PPFIBP1: variants seen among roughly 807,000 people sequenced by gnomAD.
PPFIBP1 encodes liprin-beta-1.
PPFIBP1 carries 112 observed loss-of-function variants against 137.8 expected under a neutral mutation model. The observed-to-expected ratio is 0.81, with a 90% confidence interval of 0.70 to 0.95. The LOEUF is 0.95. PPFIBP1 is among the 40% of genes least tolerant of loss of function. PPFIBP1 has a pLI of 0.00. For missense variants in PPFIBP1, 1,083 were observed against 1,196.6 expected (o/e 0.91, Z 1.40); for synonymous variants, 378 against 417.3 (o/e 0.91, Z 1.15).
intron 2 of PPFIBP1, among the ~76,000 whole-genome samples, chr12:27,585,756 C>T (rs918020050): frequency 6.9e-4 from 105 of 152,242 alleles, no homozygotes; most frequent in African/African-American, 2.5e-3. Flanking sequence ...TTCAATATAA[C>T]CTGGGTCTTG....
At chr12:27,681,466 T>A in intron 21 of PPFIBP1, 80 bp from the exon 22 acceptor site, 1 of 1,461,894 alleles carries the variant, frequency 6.8e-7, no homozygotes, top group Non-Finnish European at 9.4e-7. Context: ...GTCTATTGAA[T>A]GTATAGTTGT....
chr12:27,539,973 G>A (rs141198034), intron 1 of PPFIBP1, among the ~76,000 whole-genome samples: 24 of 151,686 alleles, frequency 1.6e-4, no homozygotes, highest in Non-Finnish European at 2.9e-4. Context: ...TAAAATGTCT[G>A]TAAATATTTC....
intron 2 of PPFIBP1, among the ~76,000 whole-genome samples, chr12:27,623,991 G>A (rs1241216376): frequency 6.6e-6 from 1 of 152,134 alleles, no homozygotes; most frequent in East Asian, 1.9e-4. Context: ...TGTAAAATCA[G>A]GGCTGTCATG....
intron 2 of PPFIBP1, among the ~76,000 whole-genome samples, chr12:27,629,222 C>T (rs548420042): frequency 2.7e-4 from 41 of 152,264 alleles, no homozygotes; most frequent in Middle Eastern, 3.4e-3. Flanking sequence ...CAACATTTAG[C>T]CAACAATGAG....
chr12:27,592,708 G>A (rs372162870), intron 2 of PPFIBP1: 2 of 1,212,200 alleles, frequency 1.6e-6, no homozygotes. Flanking sequence ...TGAGATCTCT[G>A]GAGCACTTGT....
rs1311747335 is a variant in PPFIBP1, at chr12:27,676,599, G to C, written c.1582G>C (p.Asp528His). 3 of 1,568,284 alleles carry C rather than the reference G, an allele frequency of 1.9e-6. No individual in the cohort carries two copies. The Admixed American group carries it at 5.6e-5, about 29-fold the overall frequency. ...NKRTASAPNL[D>H]RKRSASAPTL... ...GAGAACAGCAAGTGCACCAAACTTA[G>C]GTACGTATGACCAAAATGCCTTTGC... Residue 528 changes from aspartate (D) to histidine (H), a missense_variant and splice_region_variant, in exon 18 of 30, where the codon GAT (aspartate) becomes CAT (histidine). Transcript: ENST00000228425.
chr12:27,593,755 C>T (rs1475608932), intron 2 of PPFIBP1: 12 of 703,748 alleles, frequency 1.7e-5, no homozygotes, highest in African/African-American at 5.4e-5. Context: ...TCAGAGCCAA[C>T]GTCCATGTCC....
intron 1 of PPFIBP1, among the ~76,000 whole-genome samples, chr12:27,527,695 A>G (rs1230325379): frequency 1.3e-5 from 2 of 152,162 alleles, no homozygotes; most frequent in Non-Finnish European, 2.9e-5. Flanking sequence ...AGGCGAAAAC[A>G]TAGGCAAGAA....
chr12:27,633,522 C>A (rs2057407918), intron 3 of PPFIBP1, 62 bp downstream of exon 3: 54 of 1,355,584 alleles, frequency 4.0e-5, no homozygotes, highest in Non-Finnish European at 5.4e-5. Flanking sequence ...GGCTTTTTCA[C>A]TACAACTTTC....
chr12:27,665,780 T>C (rs2059820199), intron 12 of PPFIBP1, among the ~76,000 whole-genome samples: 1 of 152,204 alleles, frequency 6.6e-6, no homozygotes, highest in Non-Finnish European at 1.5e-5. Context: ...AGGAAAATCC[T>C]GCTTTGGATC....
In PPFIBP1 at chr12:27,642,726, G is replaced by A. The variant is rs191693078; in HGVS notation, c.271-3336G>A. Among the ~76,000 whole-genome samples the A allele has an allele frequency of 1.6e-3, 244 of 152,176 alleles. 3 individuals are homozygous for A. The highest frequency in any genetic ancestry group is 5.6e-3 in the African/African-American group (231 of 41,524). ...GAGTGGGAGGTGAGTGGAGTGTTGG[G>A]TACAAAACCTTGGGATAGTTGTTGT... On this transcript the variant is annotated intron_variant, in intron 4 of 29. Coordinates refer to ENST00000228425, the MANE Select transcript of PPFIBP1 (RefSeq NM_003622.4).
At chr12:27,640,126 A>G (rs1230333462) in intron 4 of PPFIBP1, among the ~76,000 whole-genome samples, 1 of 152,242 alleles carries the variant, frequency 6.6e-6, no homozygotes, top group East Asian at 1.9e-4. Context: ...TCCCACAGAA[A>G]GTGTTCACAG....
At chr12:27,536,356 G>C (rs1945002199) in intron 1 of PPFIBP1, among the ~76,000 whole-genome samples, 2 of 152,176 alleles carry the variant, frequency 1.3e-5, no homozygotes, top group Admixed American at 6.5e-5. Context: ...TTTGGCTCAC[G>C]GTTCTGCAGG....
At chr12:27,680,616 A>C (rs1025363775) in intron 21 of PPFIBP1, among the ~76,000 whole-genome samples, 5 of 152,234 alleles carry the variant, frequency 3.3e-5, no homozygotes, top group Non-Finnish European at 1.5e-5. Flanking sequence ...AACAGAATCT[A>C]TGAAAGCACT....
At chr12:27,691,195 C>T (rs1015621774) in intron 27 of PPFIBP1, among the ~76,000 whole-genome samples, 3 of 150,698 alleles carry the variant, frequency 2.0e-5, no homozygotes, top group African/African-American at 7.3e-5. Flanking sequence ...ATAGTGAAGT[C>T]TATTCTATTT....
intron 1 of PPFIBP1, among the ~76,000 whole-genome samples, chr12:27,554,543 G>A (rs759156226): frequency 6.6e-6 from 1 of 152,118 alleles, no homozygotes; most frequent in African/African-American, 2.4e-5. Context: ...TAACAAAGCT[G>A]TATGTCACGC....
chr12:27,574,986 C>T (rs886588437), intron 1 of PPFIBP1, among the ~76,000 whole-genome samples: 1 of 152,108 alleles, frequency 6.6e-6, no homozygotes, highest in African/African-American at 2.4e-5. Context: ...AAAATTAAAG[C>T]AGTTAAAGGT....
intron 25 of PPFIBP1, 188 bp from the exon 26 acceptor site, chr12:27,688,100 ACTTCCTTTCC>A: frequency 1.7e-6 from 1 of 587,686 alleles, no homozygotes; most frequent in East Asian, 3.1e-5. Flanking sequence ...AAAAAAAAAG[ACTTCCTTTCC>A]TAAAGCAATG....
At chr12:27,595,245 C>T (rs192634308) in intron 2 of PPFIBP1, among the ~76,000 whole-genome samples, 33 of 152,328 alleles carry the variant, frequency 2.2e-4, no homozygotes, top group African/African-American at 6.7e-4. Flanking sequence ...CACGCGCGCG[C>T]GCACAAACAC....
Sources: gnomAD v4.1 joint callset for allele counts (sites outside exome capture counted in the v4.1 genomes callset) on GRCh38, gnomAD v4.1.1 for gene constraint, MANE v1.5 for transcripts, NCBI Gene and HGNC (gene_info 2026-07-23, HGNC 2026-07-21) for gene names.